SEL1L2: variants seen among roughly 807,000 people sequenced by gnomAD.
SEL1L2 encodes the protein protein sel-1 homolog 2.
Under a neutral mutation model 98.8 loss-of-function variants are expected in SEL1L2, and 89 were observed. The ratio of observed to expected loss-of-function variants is 0.90; its 90% CI spans 0.76 to 1.07. The LOEUF is 1.07. Ranked by LOEUF, SEL1L2 falls within the 50% of genes least tolerant of loss-of-function variation. The pLI is 0.00. For missense variants in SEL1L2, 788 were observed against 812.0 expected, an observed-to-expected ratio of 0.97 and a Z score of 0.36; for synonymous variants, 262 against 278.5, an observed-to-expected ratio of 0.94 and a Z score of 0.59.
At chr20:13,976,533 T>C (rs2063832386) in intron 1 of SEL1L2, among the ~76,000 whole-genome samples, 1 of 152,168 alleles carries the variant, frequency 6.6e-6, no homozygotes, top group Admixed American at 6.5e-5. Context: ...TTGAATTGGT[T>C]GAAATAAAAT....
chr20:13,890,748 C>T (rs1015350097), intron 5 of SEL1L2, among the ~76,000 whole-genome samples: 1 of 151,696 alleles, frequency 6.6e-6, no homozygotes, highest in African/African-American at 2.4e-5. Flanking sequence ...GCTCAATGAA[C>T]CATAAGAGAA....
intron 5 of SEL1L2, among the ~76,000 whole-genome samples, chr20:13,899,424 T>C (rs1021822448): frequency 6.6e-6 from 1 of 152,232 alleles, no homozygotes; most frequent in African/African-American, 2.4e-5. Context: ...TAATTATTTA[T>C]ATTTTTTCTT....
chr20:13,939,058 T>TTTTTTTTA (rs2049617601), intron 2 of SEL1L2, among the ~76,000 whole-genome samples: 1 of 119,244 alleles, frequency 8.4e-6, no homozygotes, highest in East Asian at 2.5e-4. Flanking sequence ...TTTTTTTTTT[T>TTTTTTTTA]TCTGAGATGG....
intron 5 of SEL1L2, among the ~76,000 whole-genome samples, chr20:13,889,855 C>T (rs1053575060): frequency 3.3e-5 from 5 of 152,022 alleles, no homozygotes; most frequent in East Asian, 1.9e-4. Context: ...TTAATTTTAA[C>T]GTGATGGATG....
chr20:13,946,994 C>T (rs1406285766), intron 2 of SEL1L2, among the ~76,000 whole-genome samples: 1 of 152,134 alleles, frequency 6.6e-6, no homozygotes, highest in African/African-American at 2.4e-5. Flanking sequence ...GGTGCCACTC[C>T]ACATGAACAG....
chr20:13,869,512 T>C lies in SEL1L2; in HGVS notation c.1246A>G (p.Met416Val), dbSNP rs571997058. 11 of 1,613,518 alleles carry C rather than the reference T, an allele frequency of 6.8e-6. No homozygotes were observed. The African/African-American group carries it at 1.2e-4, about 18-fold the overall frequency. Reference protein sequence around the residue: ...WPDAQFQLGFMYYSGSGIWKD... With the variant: ...WPDAQFQLGFVYYSGSGIWKD... ...TATTTGTGGCACTTACAGTAGTACA[T>C]GAAGCCTAACTGGAACTGTGCGTCG... Residue 416 changes from methionine (M) to valine (V), a missense_variant, in exon 14 of 20, where the codon ATG (methionine) becomes GTG (valine). Physicochemically the swap from Met to Val is conservative, Grantham distance 21. Coordinates refer to ENST00000284951, the MANE Select transcript of SEL1L2 (RefSeq NM_025229.2).
At chr20:13,928,018 T>C (rs1246282124) in intron 3 of SEL1L2, 3 of 152,218 alleles carry the variant, frequency 2.0e-5, no homozygotes, top group Non-Finnish European at 4.4e-5. Flanking sequence ...TAAGATTTCA[T>C]AGAGCAGAAG....
At chr20:13,911,956 T>C (rs1201111724) in intron 5 of SEL1L2, among the ~76,000 whole-genome samples, 1 of 152,164 alleles carries the variant, frequency 6.6e-6, no homozygotes, top group Non-Finnish European at 1.5e-5. Flanking sequence ...GGTATGAAAC[T>C]AAGTGTCTTC....
intron 12 of SEL1L2, among the ~76,000 whole-genome samples, chr20:13,873,223 C>A (rs6110073): frequency 0.33 from 49,440 of 151,772 alleles, 8,371 homozygotes; most frequent in Middle Eastern, 0.53. Context: ...CTCCTGACCT[C>A]AAGTGATCCA....
intron 2 of SEL1L2, among the ~76,000 whole-genome samples, chr20:13,954,917 G>A (rs1302836700): frequency 6.6e-6 from 1 of 152,168 alleles, no homozygotes; most frequent in Non-Finnish European, 1.5e-5. Context: ...CAATCCCACT[G>A]CTAATTATGG....
At chr20:13,956,716 T>G (rs1248214304) in intron 1 of SEL1L2, among the ~76,000 whole-genome samples, 1 of 152,148 alleles carries the variant, frequency 6.6e-6, no homozygotes, top group Non-Finnish European at 1.5e-5. Flanking sequence ...ATATATCATA[T>G]AGAATACATG....
chr20:13,907,738 C>CTT (rs369192916), intron 5 of SEL1L2, among the ~76,000 whole-genome samples: 14 of 104,266 alleles, frequency 1.3e-4, no homozygotes, highest in Non-Finnish European at 2.4e-4. Flanking sequence ...TTCTTTCTTT[C>CTT]TTTCTTTCTT....
At chr20:13,951,472 G>C (rs571112317) in intron 2 of SEL1L2, among the ~76,000 whole-genome samples, 60 of 136,546 alleles carry the variant, frequency 4.4e-4, no homozygotes, top group Middle Eastern at 4.0e-3. Flanking sequence ...ATGGTGTCAC[G>C]CACCTACAGT....
chr20:13,949,548 C>T (rs1007282924), intron 2 of SEL1L2, among the ~76,000 whole-genome samples: 1 of 152,132 alleles, frequency 6.6e-6, no homozygotes, highest in Non-Finnish European at 1.5e-5. Context: ...CCTGTAGTCC[C>T]AGCTATCGGG....
upstream of SEL1L2, among the ~76,000 whole-genome samples, chr20:13,993,854 G>A (rs1211002162): frequency 7.2e-5 from 11 of 151,964 alleles, no homozygotes; most frequent in African/African-American, 2.2e-4. Flanking sequence ...GCATTATCAG[G>A]TTTTATTTAT....
chr20:13,856,024 C>A (rs2147736174), intron 18 of SEL1L2, among the ~76,000 whole-genome samples: 1 of 152,342 alleles, frequency 6.6e-6, no homozygotes, highest in South Asian at 2.1e-4. Context: ...AAAGTCAGAC[C>A]TGAGCCAAGG....
chr20:13,864,992 C>A (rs1219227046), intron 17 of SEL1L2, among the ~76,000 whole-genome samples, 175 bp downstream of exon 17: 3 of 152,108 alleles, frequency 2.0e-5, no homozygotes, highest in African/African-American at 7.2e-5. Context: ...AAAATAAATT[C>A]CTGGAAATGA....
At chr20:13,853,402 C>CGTTTGTAGA (rs1555847185) in intron 18 of SEL1L2, among the ~76,000 whole-genome samples, 1 of 150,928 alleles carries the variant, frequency 6.6e-6, no homozygotes, top group African/African-American at 2.4e-5. Flanking sequence ...TTTGTAGAGA[C>CGTTTGTAGA]GGGGTTTCAC....
intron 14 of SEL1L2, among the ~76,000 whole-genome samples, chr20:13,868,721 C>T (rs1310432950): frequency 6.6e-6 from 1 of 151,566 alleles, no homozygotes; most frequent in Non-Finnish European, 1.5e-5. Flanking sequence ...TTTGATTCTG[C>T]CTCAGCCTCC....
Sources: allele counts gnomAD v4.1 joint callset (sites outside exome capture counted in the v4.1 genomes callset), GRCh38; gene constraint gnomAD v4.1.1; transcripts MANE v1.5; gene names NCBI Gene and HGNC (gene_info 2026-07-23, HGNC 2026-07-21).